Variants in NRXN1 observed in about 807,000 individuals in gnomAD.
NRXN1 encodes neurexin-1.
A neutral mutation model predicts 150.9 loss-of-function variants in NRXN1; 39 were observed. That is an observed-to-expected ratio of 0.26 (90% CI 0.20 to 0.34). The LOEUF is 0.34. Among genes scored for constraint, NRXN1 ranks in the 10% least tolerant of loss-of-function variants. NRXN1 has a pLI of 1.00. For missense variants in NRXN1, 1,815 were observed against 1,949.9 expected (o/e 0.93, Z 1.30); for synonymous variants, 924 against 757.0 (o/e 1.22, Z -3.62).
chr2:50,701,296 C>CATT (rs1693709144), intron 5 of NRXN1, among the ~76,000 whole-genome samples: 1 of 152,028 alleles, frequency 6.6e-6, no homozygotes, highest in Non-Finnish European at 1.5e-5. Context: ...CAACTATTGT[C>CATT]ATTATTATTA....
chr2:50,155,747 A>T (rs193050732), intron 18 of NRXN1, among the ~76,000 whole-genome samples: 1 of 151,612 alleles, frequency 6.6e-6, no homozygotes, highest in Non-Finnish European at 1.5e-5. Flanking sequence ...ACCTCTGCCT[A>T]TAAGTAAGAG....
intron 17 of NRXN1, among the ~76,000 whole-genome samples, chr2:50,337,882 T>A (rs2152990355): frequency 6.6e-6 from 1 of 152,338 alleles, no homozygotes. Context: ...TAGACTGTTG[T>A]TGTATAGTCC....
chr2:50,825,701 C>T (rs1357283607), intron 5 of NRXN1, among the ~76,000 whole-genome samples: 1 of 152,198 alleles, frequency 6.6e-6, no homozygotes, highest in Non-Finnish European at 1.5e-5. Context: ...GTGAGCTGCT[C>T]TCGCAAATTA....
At chr2:50,066,973 C>T (rs1469287708) in intron 19 of NRXN1, among the ~76,000 whole-genome samples, 2 of 152,180 alleles carry the variant, frequency 1.3e-5, no homozygotes, top group Non-Finnish European at 2.9e-5. Flanking sequence ...GGGGGTGGTG[C>T]AACTCAAGAG....
At chr2:50,995,542 T>C (rs564332195) in intron 2 of NRXN1, among the ~76,000 whole-genome samples, 2 of 150,518 alleles carry the variant, frequency 1.3e-5, no homozygotes, top group South Asian at 2.1e-4. Flanking sequence ...GAGGCAGAGG[T>C]TGCAGTGAGC....
intron 2 of NRXN1, among the ~76,000 whole-genome samples, chr2:50,966,354 A>C (rs1004633464): frequency 6.6e-6 from 1 of 151,526 alleles, no homozygotes; most frequent in African/African-American, 2.4e-5. Context: ...AAAAAAAAAA[A>C]AACTCTAATA....
chr2:50,543,862 T>C (rs1224303006), intron 9 of NRXN1, among the ~76,000 whole-genome samples: 1 of 152,152 alleles, frequency 6.6e-6, no homozygotes, highest in Non-Finnish European at 1.5e-5. Context: ...TTTAAATTAC[T>C]AGGAAATGAG....
chr2:50,031,309 T>G (rs1689145936), intron 21 of NRXN1, among the ~76,000 whole-genome samples: 2 of 151,970 alleles, frequency 1.3e-5, no homozygotes, highest in African/African-American at 2.4e-5. Context: ...TTTAAAAACG[T>G]AACATCCTTC....
At chr2:50,014,353 C>A (rs1372230913) in intron 21 of NRXN1, among the ~76,000 whole-genome samples, 1 of 152,050 alleles carries the variant, frequency 6.6e-6, no homozygotes, top group Non-Finnish European at 1.5e-5. Flanking sequence ...TTAAAAACTT[C>A]ATGTATGTCC....
At chr2:50,966,377 A>G (rs954184075) in intron 2 of NRXN1, among the ~76,000 whole-genome samples, 1 of 151,592 alleles carries the variant, frequency 6.6e-6, no homozygotes, top group Non-Finnish European at 1.5e-5. Context: ...ATCTACAATT[A>G]ATAGCATTCC....
intron 17 of NRXN1, among the ~76,000 whole-genome samples, chr2:50,285,868 C>CAAA (rs58298457): frequency 3.2e-4 from 46 of 144,650 alleles, no homozygotes; most frequent in South Asian, 2.4e-3. Context: ...TTTTGAAAAA[C>CAAA]AAAAAAAAAA....
rs573358444 is a variant in NRXN1, at chr2:50,028,965, A to G, written c.4128+24306T>C. 7.2e-5 allele frequency among the ~76,000 whole-genome samples: 11 copies of G among 152,330 alleles called. No homozygotes were observed. The East Asian group carries it at 1.5e-3, about 21-fold the overall frequency. On this transcript the variant is annotated intron_variant, in intron 21 of 22. Transcript: ENST00000401669. ...AAAATTTGTCTTCATGGAGCTTGCA[A>G]TGCTGTTAGTGAGTTTGATGGTCTG...
chr2:50,976,854 G>C (rs1695924440), intron 2 of NRXN1, among the ~76,000 whole-genome samples: 1 of 151,984 alleles, frequency 6.6e-6, no homozygotes, highest in Admixed American at 6.6e-5. Context: ...TGTTATGCAT[G>C]CTTGGGATTC....
intron 17 of NRXN1, among the ~76,000 whole-genome samples, chr2:50,260,159 T>C (rs967934338): frequency 4.6e-5 from 7 of 151,864 alleles, no homozygotes; most frequent in African/African-American, 1.2e-4. Flanking sequence ...CTTTTATCTA[T>C]GAGACCCCTC....
chr2:50,280,614 T>C (rs2071297020), intron 17 of NRXN1, among the ~76,000 whole-genome samples: 1 of 152,138 alleles, frequency 6.6e-6, no homozygotes, highest in South Asian at 2.1e-4. Context: ...TAAAAACGCT[T>C]TGAGGATAGC....
At position 50,236,871 on chromosome 2, in the gene NRXN1, C is replaced by G; in HGVS notation, c.3464G>C (p.Gly1155Ala). Residue 1155 changes from glycine (G) to alanine (A), a missense_variant, in exon 18 of 23, where the codon GGT (glycine) becomes GCT (alanine). Gly to Ala is a moderately conservative substitution (Grantham distance 60). Coordinates refer to ENST00000401669, the MANE Select transcript of NRXN1 (RefSeq NM_001330078.2). ...PSTRADRLAI[G>A]FSTVQKEAVL... ...GGCTTCTTTCTGAACAGTGCTAAAA[C>G]CTATGGCCAGTCTGTCTGCTCGTGT... The G allele has an allele frequency of 1.2e-6, 2 of 1,613,332 alleles. No homozygotes were observed. The highest frequency in any genetic ancestry group is 1.7e-6 in the Non-Finnish European group (2 of 1,179,650).
chr2:50,070,769 C>CAA (rs546500232), intron 19 of NRXN1, among the ~76,000 whole-genome samples: 11,166 of 93,206 alleles, frequency 0.12, 915 homozygotes, highest in Middle Eastern at 0.19. Flanking sequence ...GACTCCGTCT[C>CAA]AAAAAAAAAA....
chr2:50,268,969 G>A (rs1408054654), intron 17 of NRXN1, among the ~76,000 whole-genome samples: 1 of 152,132 alleles, frequency 6.6e-6, no homozygotes, highest in African/African-American at 2.4e-5. Flanking sequence ...GTAATGCCAA[G>A]CAGACTATGC....
At chr2:50,428,755 T>C (rs1314928103) in intron 17 of NRXN1, among the ~76,000 whole-genome samples, 1 of 152,194 alleles carries the variant, frequency 6.6e-6, no homozygotes, top group Admixed American at 6.5e-5. Context: ...TTAGCACATA[T>C]ATCCCTATGC....
Sources: gnomAD v4.1 joint callset for allele counts (sites outside exome capture counted in the v4.1 genomes callset) on GRCh38, gnomAD v4.1.1 for gene constraint, MANE v1.5 for transcripts, NCBI Gene and HGNC (gene_info 2026-07-23, HGNC 2026-07-21) for gene names.